The following RTTN variants were observed in gnomAD, a reference collection of about 807,000 sequenced individuals.
RTTN encodes rotatin.
A neutral mutation model predicts 269.2 loss-of-function variants in RTTN; 182 were observed. The ratio of observed to expected loss-of-function variants is 0.68; its 90% CI spans 0.60 to 0.76. The LOEUF (loss-of-function observed/expected upper bound fraction) is 0.76. Ranked by LOEUF, RTTN falls within the 30% of genes least tolerant of loss-of-function variation. The pLI is 0.00. For synonymous variants in RTTN, 1,006 were observed against 963.5 expected, an observed-to-expected ratio of 1.04 and a Z score of -0.82; for missense variants, 2,545 against 2,608.6, an observed-to-expected ratio of 0.98 and a Z score of 0.53.
chr18:70,051,357 A>G (rs2057661090), intron 39 of RTTN, 54 bp downstream of exon 39: 1 of 1,539,452 alleles, frequency 6.5e-7, no homozygotes, highest in Non-Finnish European at 8.7e-7. Flanking sequence ...AGGCAGAATC[A>G]TTATCTCGTT....
At chr18:70,016,106 T>C (rs2056529354) in intron 46 of RTTN, among the ~76,000 whole-genome samples, 1 of 152,218 alleles carries the variant, frequency 6.6e-6, no homozygotes, top group East Asian at 1.9e-4. Flanking sequence ...ACAGTAAGGT[T>C]AGGTCTGCTA....
chr18:70,059,638 T>C (rs1170152893), intron 36 of RTTN, among the ~76,000 whole-genome samples: 1 of 152,048 alleles, frequency 6.6e-6, no homozygotes, highest in African/African-American at 2.4e-5. Context: ...GCCTTAATAG[T>C]CAAGATAACA....
intron 35 of RTTN, among the ~76,000 whole-genome samples, chr18:70,065,256 T>C (rs897734794): frequency 3.0e-4 from 41 of 136,230 alleles, no homozygotes; most frequent in African/African-American, 1.0e-3. Flanking sequence ...AAGGCTTATA[T>C]ACTCTCTAGA....
At position 70,109,641 on chromosome 18, in the gene RTTN, C is replaced by T; in HGVS notation, c.3760G>A (p.Ala1254Thr). Residue 1254 changes from alanine to threonine, a missense_variant, in exon 28 of 49, where the codon GCG becomes ACG. By Grantham distance (58) the Ala-to-Thr change is moderately conservative. Transcript: ENST00000640769. ...GACGGCAGGCCATAGAAATGAGGCG[C>T]ATCCGTCACTTTCAGACACTGGAGC... Reference protein sequence around the residue: ...KLLQCLKVTDAPHFYGLPSLE... With the variant: ...KLLQCLKVTDTPHFYGLPSLE... 1.2e-6 allele frequency: 2 copies of T among 1,614,118 alleles called. No individual in the cohort carries two copies. Among genetic ancestry groups the T allele is most frequent in the South Asian group, 1.1e-5 (1 of 91,068 alleles).
chr18:70,082,948 C>T (rs184121708), intron 32 of RTTN, among the ~76,000 whole-genome samples: 1 of 152,288 alleles, frequency 6.6e-6, no homozygotes, highest in African/African-American at 2.4e-5. Context: ...TCACCTCAGC[C>T]TCCCCAAGTG....
intron 10 of RTTN, among the ~76,000 whole-genome samples, chr18:70,180,777 T>C (rs567939138): frequency 2.2e-4 from 34 of 152,298 alleles, no homozygotes; most frequent in African/African-American, 8.2e-4. Flanking sequence ...TAAATAGTGC[T>C]TAGTGTCTGA....
At chr18:70,019,515 A>G (rs1046216945) in intron 45 of RTTN, 6 of 152,256 alleles carry the variant, frequency 3.9e-5, no homozygotes, top group African/African-American at 7.2e-5. Context: ...TATGACATAC[A>G]TGAACATATA....
At chr18:70,041,736 T>C (rs2057345852) in intron 40 of RTTN, among the ~76,000 whole-genome samples, 1 of 152,164 alleles carries the variant, frequency 6.6e-6, no homozygotes, top group Non-Finnish European at 1.5e-5. Flanking sequence ...CAGGAAAATT[T>C]GTGGGCAAGG....
chr18:70,122,662 G>C (rs1261654670), intron 25 of RTTN, among the ~76,000 whole-genome samples: 2 of 152,226 alleles, frequency 1.3e-5, no homozygotes, highest in Middle Eastern at 6.8e-3. Flanking sequence ...AAACTAAGCA[G>C]TCCAACACCA....
chr18:70,141,942 G>C (rs1422851239), intron 19 of RTTN, among the ~76,000 whole-genome samples: 1 of 152,122 alleles, frequency 6.6e-6, no homozygotes, highest in East Asian at 1.9e-4. Context: ...TTCACTATTG[G>C]AAGTACACTA....
chr18:70,137,270 T>C (rs2060147518), intron 21 of RTTN, among the ~76,000 whole-genome samples: 1 of 152,200 alleles, frequency 6.6e-6, no homozygotes, highest in Non-Finnish European at 1.5e-5. Flanking sequence ...TTTTTGGTTA[T>C]AGCCTTGGCC....
intron 32 of RTTN, among the ~76,000 whole-genome samples, chr18:70,079,372 A>G (rs548932460): frequency 3.3e-5 from 5 of 152,186 alleles, no homozygotes; most frequent in African/African-American, 1.2e-4. Flanking sequence ...CTGAATCCCC[A>G]TTCTCTACAC....
chr18:70,204,360 T>G, intron 2 of RTTN, 97 bp from the exon 3 acceptor site: 1 of 1,226,246 alleles, frequency 8.2e-7, no homozygotes, highest in Non-Finnish European at 1.1e-6. Flanking sequence ...ATATCAGATG[T>G]TCCTTTTCTG....
At chr18:70,030,384 G>C (rs1461972810) in intron 41 of RTTN, among the ~76,000 whole-genome samples, 1 of 152,138 alleles carries the variant, frequency 6.6e-6, no homozygotes. Context: ...AATCACAATT[G>C]ATATTAATGG....
At chr18:70,165,183 ATAAAAGGAAG>A (rs2060952104) in intron 14 of RTTN, among the ~76,000 whole-genome samples, 1 of 152,164 alleles carries the variant, frequency 6.6e-6, no homozygotes. Context: ...TTATCATTCA[ATAAAAGGAAG>A]TATATTCAAA....
chr18:70,181,534 T>C (rs531243046), intron 10 of RTTN, among the ~76,000 whole-genome samples: 63 of 152,256 alleles, frequency 4.1e-4, no homozygotes, highest in African/African-American at 1.3e-3. Context: ...AGGGGGGAAA[T>C]TGAAATTCCC....
chr18:70,005,017 A>G (rs1443160561), intron 48 of RTTN, among the ~76,000 whole-genome samples, 181 bp downstream of exon 48: 1 of 152,248 alleles, frequency 6.6e-6, no homozygotes, highest in African/African-American at 2.4e-5. Flanking sequence ...AAGCAATCAC[A>G]TCTTAAACCT....
intron 28 of RTTN, among the ~76,000 whole-genome samples, chr18:70,104,341 G>A (rs898890919): frequency 6.6e-6 from 1 of 152,096 alleles, no homozygotes; most frequent in Non-Finnish European, 1.5e-5. Flanking sequence ...AGCTCCATCA[G>A]GTCATTTAAG....
chr18:70,140,075 AT>A, intron 20 of RTTN, 24 bp downstream of exon 20: 1 of 1,431,618 alleles, frequency 7.0e-7, no homozygotes, highest in Non-Finnish European at 9.8e-7. Context: ...CTGTAAAACA[AT>A]GTCTAGATGC....
Sources: gnomAD v4.1 joint callset for allele counts (sites outside exome capture counted in the v4.1 genomes callset) on GRCh38, gnomAD v4.1.1 for gene constraint, MANE v1.5 for transcripts, NCBI Gene and HGNC (gene_info 2026-07-23, HGNC 2026-07-21) for gene names.